DLG2: variants seen among roughly 807,000 people sequenced by gnomAD.
The protein encoded by DLG2 is discs large MAGUK scaffold protein 2, also known as disks large homolog 2.
A neutral mutation model predicts 132.5 loss-of-function variants in DLG2; 45 were observed. The ratio of observed to expected loss-of-function variants is 0.34; its 90% CI spans 0.27 to 0.44. DLG2 has a LOEUF of 0.44. DLG2 is among the 20% of genes least tolerant of loss of function. The pLI is 1.00. For synonymous variants in DLG2, 424 were observed against 419.6 expected (o/e 1.01, Z -0.13); for missense variants, 1,045 against 1,196.9 (o/e 0.87, Z 1.87).
chr11:83,786,939 T>C, intron 17 of DLG2, 147 bp from the exon 18 acceptor site: 2 of 624,566 alleles, frequency 3.2e-6, no homozygotes, highest in Non-Finnish European at 2.8e-6. Flanking sequence ...TTGTGGACTT[T>C]CATGATCTTA....
At chr11:84,326,050 T>C (rs1425389434) in intron 7 of DLG2, among the ~76,000 whole-genome samples, 3 of 152,084 alleles carry the variant, frequency 2.0e-5, no homozygotes, top group Non-Finnish European at 1.5e-5. Flanking sequence ...AGTATTCTTA[T>C]AGTCCTTTTT....
intron 6 of DLG2, among the ~76,000 whole-genome samples, chr11:84,860,558 C>T (rs974043570): frequency 6.6e-6 from 1 of 151,996 alleles, no homozygotes; most frequent in Non-Finnish European, 1.5e-5. Context: ...GTCAAAAAGC[C>T]CTGTCATGCA....
chr11:84,141,310 A>G (rs2094835033), intron 9 of DLG2, among the ~76,000 whole-genome samples: 1 of 151,556 alleles, frequency 6.6e-6, no homozygotes, highest in Non-Finnish European at 1.5e-5. Context: ...TATAATATAG[A>G]ATATAGAATG....
At chr11:84,393,936 A>C (rs1276073082) in intron 7 of DLG2, among the ~76,000 whole-genome samples, 1 of 152,054 alleles carries the variant, frequency 6.6e-6, no homozygotes, top group Non-Finnish European at 1.5e-5. Context: ...CTCAGGCTGG[A>C]GTGCAGAGGC....
Position 85,399,193 on chromosome 11 carries a change from G to T in DLG2, c.41-113828C>A, listed in dbSNP as rs541204493. Reference sequence around the variant, plus strand: ...CTCCCATTCACAATTGCTTCAAAGAGAATAAAATACCTAGGAATCCAACTT... The same window carrying T: ...CTCCCATTCACAATTGCTTCAAAGATAATAAAATACCTAGGAATCCAACTT... On this transcript the variant is annotated intron_variant, in intron 3 of 27. Transcript: ENST00000376104. Among the ~76,000 whole-genome samples the T allele has an allele frequency of 4.6e-5, 7 of 152,230 alleles. No individual in the cohort carries two copies. The East Asian group carries it at 1.2e-3, about 25-fold the overall frequency.
intron 3 of DLG2, among the ~76,000 whole-genome samples, chr11:85,313,053 G>C (rs571528624): frequency 6.6e-6 from 1 of 151,962 alleles, no homozygotes; most frequent in African/African-American, 2.4e-5. Context: ...TTTGAGACGA[G>C]ACCATACATG....
chr11:84,683,746 G>A (rs1451920996), intron 6 of DLG2, among the ~76,000 whole-genome samples: 2 of 152,122 alleles, frequency 1.3e-5, no homozygotes, highest in Non-Finnish European at 1.5e-5. Flanking sequence ...GTGTTTAGGT[G>A]GAAGGATGGG....
intron 4 of DLG2, among the ~76,000 whole-genome samples, chr11:85,256,866 T>C (rs1002167477): frequency 1.3e-5 from 2 of 150,758 alleles, no homozygotes; most frequent in African/African-American, 5.0e-5. Context: ...GCTCAAGAGA[T>C]AATTAATCAG....
At chr11:85,416,738 CTGTT>C (rs1372567201) in intron 3 of DLG2, among the ~76,000 whole-genome samples, 1 of 152,106 alleles carries the variant, frequency 6.6e-6, no homozygotes, top group Non-Finnish European at 1.5e-5. Flanking sequence ...ATTTGGCTCT[CTGTT>C]TGTCTATTGT....
At chr11:83,603,666 A>C (rs1324885822) in intron 19 of DLG2, among the ~76,000 whole-genome samples, 1 of 152,174 alleles carries the variant, frequency 6.6e-6, no homozygotes, top group Non-Finnish European at 1.5e-5. Flanking sequence ...GGACTTCATA[A>C]TTTTTATCAG....
chr11:84,561,009 G>C (rs942739014), intron 6 of DLG2, among the ~76,000 whole-genome samples: 1 of 151,984 alleles, frequency 6.6e-6, no homozygotes, highest in Non-Finnish European at 1.5e-5. Context: ...ATGGTGTTTG[G>C]TCTGGTATGG....
chr11:84,442,623 TACCTATCTAACAAACTTGCAC>T (rs1222679528), intron 7 of DLG2, among the ~76,000 whole-genome samples: 1 of 151,938 alleles, frequency 6.6e-6, no homozygotes, highest in Non-Finnish European at 1.5e-5. Context: ...GGCACATGTA[TACCTATCTAACAAACTTGCAC>T]ACCTATCTAA....
chr11:83,752,654 T>C (rs770278962), intron 18 of DLG2, among the ~76,000 whole-genome samples: 3 of 152,216 alleles, frequency 2.0e-5, no homozygotes, highest in African/African-American at 4.8e-5. Context: ...ATGAGCTTTG[T>C]TATAAAGCAA....
chr11:84,237,912 G>A (rs903488738), intron 8 of DLG2, among the ~76,000 whole-genome samples: 2 of 151,402 alleles, frequency 1.3e-5, no homozygotes, highest in South Asian at 2.1e-4. Flanking sequence ...GTGGTGGTGG[G>A]GCACCTGTAA....
intron 2 of DLG2, among the ~76,000 whole-genome samples, chr11:85,601,929 C>T (rs950703547): frequency 3.3e-5 from 5 of 152,124 alleles, no homozygotes; most frequent in African/African-American, 1.2e-4. Context: ...TTATCTAATT[C>T]CGTAGTTTTA....
intron 6 of DLG2, among the ~76,000 whole-genome samples, chr11:84,801,547 T>A (rs1458069498): frequency 6.6e-6 from 1 of 152,070 alleles, no homozygotes; most frequent in Non-Finnish European, 1.5e-5. Context: ...GGAGACAGAG[T>A]GAGACTCCGT....
intron 6 of DLG2, among the ~76,000 whole-genome samples, chr11:84,882,301 C>T (rs1346326010): frequency 6.6e-6 from 1 of 150,774 alleles, no homozygotes; most frequent in Non-Finnish European, 1.5e-5. Context: ...GGGTTTGTGA[C>T]TTAAACAAAC....
At chr11:83,920,434 C>T (rs1310873341) in intron 15 of DLG2, among the ~76,000 whole-genome samples, 2 of 152,212 alleles carry the variant, frequency 1.3e-5, no homozygotes, top group East Asian at 3.9e-4. Flanking sequence ...TAAATACAGG[C>T]AGGCTTGCAC....
intron 3 of DLG2, among the ~76,000 whole-genome samples, chr11:85,568,762 C>G (rs1488583309): frequency 6.8e-6 from 1 of 147,868 alleles, no homozygotes; most frequent in Non-Finnish European, 1.5e-5. Context: ...AAAGCTCACA[C>G]TTTCAATCCT....
Sources: allele counts gnomAD v4.1 joint callset (sites outside exome capture counted in the v4.1 genomes callset), GRCh38; gene constraint gnomAD v4.1.1; transcripts MANE v1.5; gene names NCBI Gene and HGNC (gene_info 2026-07-23, HGNC 2026-07-21).